MYO6: variants seen among roughly 807,000 people sequenced by gnomAD.
The protein encoded by MYO6 is myosin VI, also known as unconventional myosin-VI.
Under a neutral mutation model 178.7 loss-of-function variants are expected in MYO6, and 74 were observed. The observed-to-expected ratio is 0.41, with a 90% CI of 0.34 to 0.50. MYO6 has a LOEUF of 0.50. Ranked by LOEUF, MYO6 falls within the 20% of genes least tolerant of loss-of-function variation. The probability of loss-of-function intolerance (pLI) is 0.09; values close to 1 mark genes in which losing one functional copy is unlikely to be tolerated. For synonymous variants in MYO6, 477 were observed against 504.6 expected, an observed-to-expected ratio of 0.95 and a Z score of 0.73; for missense variants, 1,330 against 1,547.4, an observed-to-expected ratio of 0.86 and a Z score of 2.36.
chr6:75,893,819 C>T (rs1779091299), intron 28 of MYO6, among the ~76,000 whole-genome samples: 1 of 152,148 alleles, frequency 6.6e-6, no homozygotes, highest in Admixed American at 6.5e-5. Context: ...GGGTTTGAGT[C>T]CAATATTTGG....
chr6:75,869,170 A>T (rs1466270356), intron 18 of MYO6, among the ~76,000 whole-genome samples: 7 of 139,628 alleles, frequency 5.0e-5, no homozygotes, highest in African/African-American at 1.6e-4. Flanking sequence ...CAAATTAGTC[A>T]CTTTAATACT....
chr6:75,916,337 G>C lies in MYO6; in HGVS notation c.*1325G>C, dbSNP rs1781119302. 1 of 152,514 alleles carries C rather than the reference G, an allele frequency of 6.6e-6. No homozygotes were observed. Among genetic ancestry groups the C allele is most frequent in the South Asian group, 2.1e-4 (1 of 4,832 alleles). The allele number at this position is 152,514 out of a possible 1,614,324, so 9.4% of individuals were successfully genotyped here. ...TAGAAAGATTACCTCAGTTAGGGAA[G>C]TATTTCCCAGCTGACTAGTGTTTGT... On this transcript the variant is annotated 3_prime_UTR_variant, in exon 35 of 35. Transcript: ENST00000369977.
chr6:75,788,650 C>T (rs1415931972), intron 1 of MYO6, among the ~76,000 whole-genome samples: 16 of 152,174 alleles, frequency 1.1e-4, no homozygotes, highest in Non-Finnish European at 4.4e-5. Flanking sequence ...GTTGGCCAGG[C>T]TGGTCTTGAA....
At chr6:75,894,759 G>C (rs962256139) in intron 28 of MYO6, 3 of 1,254,700 alleles carry the variant, frequency 2.4e-6, no homozygotes, top group African/African-American at 3.1e-5. Context: ...GTTAAAAAAT[G>C]TATATATTAT....
At chr6:75,905,490 G>A (rs919955000) in intron 30 of MYO6, among the ~76,000 whole-genome samples, 3 of 152,206 alleles carry the variant, frequency 2.0e-5, no homozygotes, top group East Asian at 1.9e-4. Flanking sequence ...TCCAGGTGCC[G>A]TCTGTCACCC....
rs1274459650 is a variant in MYO6 at position 75,832,880 on chromosome 6, A to T, written c.430A>T (p.Ser144Cys). 2.5e-6 allele frequency: 4 copies of T among 1,614,090 alleles called. No homozygotes were observed. The highest frequency in any genetic ancestry group is 3.4e-6 in the Non-Finnish European group (4 of 1,179,936). The change falls in exon 6 of 35, where the codon AGT (serine) becomes TGT (cysteine). Residue 144 changes from serine to cysteine, a missense_variant. Ser to Cys is a moderately radical substitution (Grantham distance 112, BLOSUM62 -1). This residue lies in a region of MYO6 where 613 missense variants were observed against 816.8 expected (regional missense o/e 0.75). Coordinates refer to ENST00000369977, the MANE Select transcript of MYO6 (RefSeq NM_004999.4). ...TCGAGACATGAAGGTGCTCAAGATGAGTCAGTCTATCATTGTATCTGGAGA... is the reference window on the plus strand; with the variant it reads ...TCGAGACATGAAGGTGCTCAAGATGTGTCAGTCTATCATTGTATCTGGAGA... Reference protein sequence around the residue: ...AFRDMKVLKMSQSIIVSGESG... With the variant: ...AFRDMKVLKMCQSIIVSGESG...
intron 2 of MYO6, among the ~76,000 whole-genome samples, chr6:75,821,036 G>A (rs1403317941): frequency 2.0e-5 from 3 of 152,152 alleles, no homozygotes; most frequent in Non-Finnish European, 2.9e-5. Flanking sequence ...TCTTCTAAGA[G>A]AAAACAATTA....
rs918249823 is a variant in MYO6 at position 75,850,344 on chromosome 6, T to A, written c.1078+1813T>A. 3.3e-5 allele frequency among the ~76,000 whole-genome samples: 5 copies of A among 152,202 alleles called. No individual in the cohort carries two copies. In the South Asian group the frequency reaches 1.0e-3, roughly 31 times the overall value. Reference sequence around the variant, plus strand: ...CATTTCATCATAAACATCGTAATTGTAATCTGTATATCATAAATATAATGA... The same window carrying A: ...CATTTCATCATAAACATCGTAATTGAAATCTGTATATCATAAATATAATGA... On this transcript the variant is annotated intron_variant, in intron 11 of 34. Transcript: ENST00000369977.
At chr6:75,882,928 G>A (rs918431006) in intron 23 of MYO6, among the ~76,000 whole-genome samples, 1 of 152,194 alleles carries the variant, frequency 6.6e-6, no homozygotes, top group Non-Finnish European at 1.5e-5. Flanking sequence ...TGATGAACAA[G>A]CTGTCTTTTG....
intron 15 of MYO6, 62 bp downstream of exon 15, chr6:75,861,157 C>A: frequency 7.8e-7 from 1 of 1,277,584 alleles, no homozygotes; most frequent in Non-Finnish European, 1.1e-6. Flanking sequence ...GTGTTTAGTG[C>A]TTTTTCTGTG....
chr6:75,850,928 T>C (rs1485412930), intron 11 of MYO6, among the ~76,000 whole-genome samples: 5 of 152,188 alleles, frequency 3.3e-5, no homozygotes, highest in Non-Finnish European at 5.9e-5. Context: ...ATTAGATATG[T>C]TCTTAATGTG....
chr6:75,781,791 A>G (rs950171407), intron 1 of MYO6, among the ~76,000 whole-genome samples: 7 of 151,478 alleles, frequency 4.6e-5, no homozygotes, highest in Non-Finnish European at 1.0e-4. Flanking sequence ...TGTGGTAGGT[A>G]CCTGTAGTCC....
At position 75,917,824 on chromosome 6, in the gene MYO6, A is replaced by G. The variant is rs1364782853; in HGVS notation, c.*2812A>G. ...TTATTAATTGGATATTTTTTAAAAG[A>G]CATTTTCATTCACAGGTCATTACTA... On this transcript the variant is annotated 3_prime_UTR_variant, in exon 35 of 35. Coordinates refer to ENST00000369977, the MANE Select transcript of MYO6 (RefSeq NM_004999.4). The G allele has an allele frequency of 6.6e-6, 1 of 152,640 alleles. No individual in the cohort carries two copies. Among genetic ancestry groups the G allele is most frequent in the African/African-American group, 2.4e-5 (1 of 41,454 alleles). 9.5% of individuals were successfully genotyped at this position (152,640 alleles called of 1,614,324 possible). A position where few individuals can be genotyped will look rare whatever the true frequency, so the allele number is the denominator to read the frequency against.
At chr6:75,785,172 A>G (rs1470837117) in intron 1 of MYO6, among the ~76,000 whole-genome samples, 1 of 152,158 alleles carries the variant, frequency 6.6e-6, no homozygotes, top group African/African-American at 2.4e-5. Context: ...TGTCTGTTCT[A>G]TTGCTGGGCA....
At chr6:75,858,214 T>G (rs1775891970) in intron 13 of MYO6, among the ~76,000 whole-genome samples, 1 of 152,220 alleles carries the variant, frequency 6.6e-6, no homozygotes, top group Non-Finnish European at 1.5e-5. Flanking sequence ...GCATTTTTGA[T>G]AAGTAATTTT....
rs756096592 is a variant in MYO6 at position 75,897,419 on chromosome 6, TCTGA to T, written c.3138-950_3138-947del. Among the ~76,000 whole-genome samples, 5 of 152,366 alleles carry T rather than the reference TCTGA, an allele frequency of 3.3e-5. No homozygotes were observed. In the East Asian group the frequency reaches 7.7e-4, roughly 23 times the overall value. ...GTCAGCTTTGAAAGATATCTTGTTC[TCTGA>T]CTGTGCTTTCATAGACCTCCATCCA... On this transcript the variant is annotated intron_variant, in intron 29 of 34. Transcript: ENST00000369977.
Position 75,867,017 on chromosome 6 carries a change from A to G in MYO6, c.1856A>G (p.Glu619Gly). 4 of 1,613,626 alleles carry G rather than the reference A, an allele frequency of 2.5e-6. No homozygotes were observed. Among genetic ancestry groups the G allele is most frequent in the Non-Finnish European group, 3.4e-6 (4 of 1,179,576 alleles). The change falls in exon 18 of 35, where the codon GAA becomes GGA. Residue 619 changes from glutamate to glycine, a missense_variant. By Grantham distance (98) the Glu-to-Gly change is moderately conservative. Transcript: ENST00000369977. ...GAATCCAGAGATAAGTTTATACGGG[A>G]ATTATTTGAATCATCCACAAATAAC... Reference protein sequence around the residue: ...ICESRDKFIRELFESSTNNNK... With the variant: ...ICESRDKFIRGLFESSTNNNK...
At chr6:75,841,951 A>C (rs1426628963) in intron 9 of MYO6, among the ~76,000 whole-genome samples, 3 of 152,202 alleles carry the variant, frequency 2.0e-5, no homozygotes, top group African/African-American at 7.2e-5. Flanking sequence ...ATTTAAACTC[A>C]ATTAGAAATT....
At chr6:75,836,776 T>G (rs2150235408) in intron 7 of MYO6, among the ~76,000 whole-genome samples, 1 of 152,102 alleles carries the variant, frequency 6.6e-6, no homozygotes, top group Admixed American at 6.5e-5. Flanking sequence ...AGAGATGGGG[T>G]TTCACCATGT....
Sources: gnomAD v4.1 joint callset for allele counts (sites outside exome capture counted in the v4.1 genomes callset) on GRCh38, gnomAD v4.1.1 for gene constraint, gnomAD v4.1.1 regional missense constraint, MANE v1.5 for transcripts, NCBI Gene and HGNC (gene_info 2026-07-23, HGNC 2026-07-21) for gene names.